SYNPR: variants seen among roughly 807,000 people sequenced by gnomAD.
SYNPR encodes the protein synaptoporin.
SYNPR carries 23 observed loss-of-function variants against 32.9 expected under a neutral mutation model. The observed-to-expected ratio is 0.70, with a 90% CI of 0.50 to 0.99. The LOEUF is 0.99. Among genes scored for constraint, SYNPR ranks in the 50% least tolerant of loss-of-function variants. The pLI is 0.00. For missense variants in SYNPR, 318 were observed against 349.3 expected (o/e 0.91, Z 0.71); for synonymous variants, 146 against 135.9 (o/e 1.07, Z -0.52).
chr3:63,443,182 A>G (rs1700212134), intron 2 of SYNPR: 2 of 1,244,760 alleles, frequency 1.6e-6, no homozygotes, highest in Non-Finnish European at 1.0e-6. Flanking sequence ...AGAGGGGAGT[A>G]TCAGGTTCCT....
At chr3:63,463,938 C>T (rs1403815491) in intron 2 of SYNPR, among the ~76,000 whole-genome samples, 1 of 152,064 alleles carries the variant, frequency 6.6e-6, no homozygotes, top group Non-Finnish European at 1.5e-5. Flanking sequence ...ACTTATATGT[C>T]TTCACATTTT....
Position 63,434,916 on chromosome 3 carries a change from T to G in SYNPR, c.85-45916T>G, listed in dbSNP as rs541879349. Among the ~76,000 whole-genome samples, 236 of 152,326 alleles carry G rather than the reference T, an allele frequency of 1.5e-3. 1 individual carries two copies. Among genetic ancestry groups the G allele is most frequent in the Non-Finnish European group, 2.5e-3 (167 of 68,030 alleles). ...CTTATTTAGTGCCTACTATGAACAA[T>G]GTAATATTGTGTGCTATGCAGGACG... is the stretch of plus-strand genomic sequence containing the variant. On this transcript the variant is annotated intron_variant, in intron 2 of 5. Coordinates refer to ENST00000478300, the MANE Select transcript of SYNPR (RefSeq NM_001130003.2).
the SYNPR span, among the ~76,000 whole-genome samples, chr3:63,211,224 C>G: frequency 6.6e-6 from 1 of 152,184 alleles, no homozygotes; most frequent in Non-Finnish European, 1.5e-5. Context: ...CCCGCCACCA[C>G]ACCTGGCTAA....
Position 63,545,056 on chromosome 3 carries a change from G to A in SYNPR, c.210-11487G>A, listed in dbSNP as rs186965026. Among the ~76,000 whole-genome samples the A allele has an allele frequency of 1.5e-3, 222 of 151,426 alleles. 1 individual carries two copies. Among genetic ancestry groups the A allele is most frequent in the African/African-American group, 5.1e-3 (210 of 41,404 alleles). ...AAAAAAAAACATGTGAAAGGGTAGCGTTCCATTGGACACAAAATGGAGACA... is the reference window on the plus strand; with the variant it reads ...AAAAAAAAACATGTGAAAGGGTAGCATTCCATTGGACACAAAATGGAGACA... On this transcript the variant is annotated intron_variant, in intron 3 of 5. Coordinates refer to ENST00000478300, the MANE Select transcript of SYNPR (RefSeq NM_001130003.2).
At chr3:63,586,654 A>ATGTG (rs10530383) in intron 4 of SYNPR, among the ~76,000 whole-genome samples, 5,477 of 143,576 alleles carry the variant, frequency 0.038, 266 homozygotes, top group African/African-American at 0.11. Flanking sequence ...TGCAGATTCA[A>ATGTG]TGTGTGTGTG....
intron 1 of SYNPR, among the ~76,000 whole-genome samples, chr3:63,245,494 G>A (rs1398768393): frequency 1.3e-5 from 2 of 151,952 alleles, no homozygotes; most frequent in East Asian, 1.9e-4. Flanking sequence ...TTTCAGTGGT[G>A]ATACAGTTAA....
At chr3:63,609,668 A>G (rs1393642847) in intron 5 of SYNPR, among the ~76,000 whole-genome samples, 2 of 152,198 alleles carry the variant, frequency 1.3e-5, no homozygotes, top group African/African-American at 2.4e-5. Flanking sequence ...GCAATTTAGG[A>G]GGCCAAGGTG....
intron 2 of SYNPR, among the ~76,000 whole-genome samples, chr3:63,466,442 A>G (rs1182633342): frequency 6.7e-6 from 1 of 148,934 alleles, no homozygotes; most frequent in East Asian, 2.0e-4. Flanking sequence ...GGCTTGCACA[A>G]ATTCAGGATT....
intron 4 of SYNPR, among the ~76,000 whole-genome samples, chr3:63,598,970 AC>A (rs1253620299): frequency 1.3e-5 from 2 of 152,208 alleles, no homozygotes; most frequent in African/African-American, 4.8e-5. Context: ...TGAGCCATTT[AC>A]TTCTCCTGAT....
At chr3:63,257,321 A>T (rs1167608180) in intron 2 of SYNPR, among the ~76,000 whole-genome samples, 1 of 152,220 alleles carries the variant, frequency 6.6e-6, no homozygotes, top group Non-Finnish European at 1.5e-5. Context: ...CCAGAGAGAA[A>T]GGTCGGGTTA....
At chr3:63,373,219 G>A (rs557377043) in intron 2 of SYNPR, among the ~76,000 whole-genome samples, 14 of 152,308 alleles carry the variant, frequency 9.2e-5, no homozygotes, top group African/African-American at 3.4e-4. Context: ...AGGGTACTTA[G>A]CCAGGCTGAA....
upstream of SYNPR, among the ~76,000 whole-genome samples, chr3:63,274,582 G>T (rs1056404644): frequency 6.6e-6 from 1 of 152,152 alleles, no homozygotes; most frequent in Non-Finnish European, 1.5e-5. Context: ...TACTAAATTG[G>T]GCTGAATGTA....
chr3:63,327,503 C>G (rs1187989668), intron 2 of SYNPR, among the ~76,000 whole-genome samples: 2 of 151,998 alleles, frequency 1.3e-5, no homozygotes, highest in Non-Finnish European at 2.9e-5. Context: ...CCAAAAGACA[C>G]AAATAAGTGT....
chr3:63,364,231 T>C (rs1013121304), intron 2 of SYNPR, among the ~76,000 whole-genome samples: 14 of 152,232 alleles, frequency 9.2e-5, no homozygotes, highest in Non-Finnish European at 2.1e-4. Flanking sequence ...ATTTATCTTA[T>C]TCTGAATAAA....
intron 2 of SYNPR, among the ~76,000 whole-genome samples, chr3:63,409,181 C>T (rs956649552): frequency 2.0e-5 from 3 of 152,044 alleles, no homozygotes; most frequent in African/African-American, 7.2e-5. Flanking sequence ...TTTTTTCTCC[C>T]AACAAGTCTC....
rs375332476 is a variant in SYNPR, at chr3:63,320,028, C to T, written c.84+41286C>T. ...GAAATGGTATAATCATGGTTCACTG[C>T]GGCCTCAAACTCCTGAGCTCAAGCA... On this transcript the variant is annotated intron_variant, in intron 2 of 5. Coordinates refer to ENST00000478300, the MANE Select transcript of SYNPR (RefSeq NM_001130003.2). 2.0e-4 allele frequency among the ~76,000 whole-genome samples: 31 copies of T among 152,060 alleles called. No homozygotes were observed. The East Asian group carries it at 2.7e-3, about 13-fold the overall frequency.
At chr3:63,292,003 G>A (rs2086744563) in intron 2 of SYNPR, among the ~76,000 whole-genome samples, 1 of 152,132 alleles carries the variant, frequency 6.6e-6, no homozygotes, top group Non-Finnish European at 1.5e-5. Context: ...TACATGTACA[G>A]CCTATTGCTC....
intron 2 of SYNPR, among the ~76,000 whole-genome samples, chr3:63,377,014 T>G (rs2087904027): frequency 6.6e-6 from 1 of 152,106 alleles, no homozygotes; most frequent in Non-Finnish European, 1.5e-5. Flanking sequence ...ATTTCTCTCC[T>G]TAGCATTCTC....
chr3:63,293,348 C>T (rs754251955), intron 2 of SYNPR, among the ~76,000 whole-genome samples: 7 of 151,856 alleles, frequency 4.6e-5, no homozygotes, highest in South Asian at 2.1e-4. Flanking sequence ...TATGTAGAGC[C>T]GTTTTATGCA....
Sources: allele counts gnomAD v4.1 joint callset (sites outside exome capture counted in the v4.1 genomes callset), GRCh38; gene constraint gnomAD v4.1.1; transcripts MANE v1.5; gene names NCBI Gene and HGNC (gene_info 2026-07-23, HGNC 2026-07-21).